Variants in PPP2R2B observed in about 807,000 individuals in gnomAD.
The protein encoded by PPP2R2B is serine/threonine-protein phosphatase 2A 55 kDa regulatory subunit B beta isoform.
PPP2R2B carries 5 observed loss-of-function variants against 46.0 expected under a neutral mutation model. That is an observed-to-expected ratio of 0.11 (90% confidence interval 0.06 to 0.23). The LOEUF is 0.23. Ranked by LOEUF, PPP2R2B falls within the 10% of genes least tolerant of loss-of-function variation. The pLI, the probability that PPP2R2B is intolerant of heterozygous loss-of-function variation, is 1.00. For missense variants in PPP2R2B, 367 were observed against 575.0 expected, an observed-to-expected ratio of 0.64 and a Z score of 3.70; for synonymous variants, 215 against 206.7, an observed-to-expected ratio of 1.04 and a Z score of -0.34.
chr5:146,634,852 GTC>G (rs1774701065), intron 7 of PPP2R2B, among the ~76,000 whole-genome samples: 1 of 152,014 alleles, frequency 6.6e-6, no homozygotes, highest in Admixed American at 6.6e-5. Context: ...AGGAAACCAG[GTC>G]TGTTTTTGCT....
chr5:146,708,329 C>T (rs1204816983), intron 2 of PPP2R2B, among the ~76,000 whole-genome samples: 1 of 150,908 alleles, frequency 6.6e-6, no homozygotes, highest in African/African-American at 2.4e-5. Flanking sequence ...TGCACTCACA[C>T]CTGGGCGACA....
chr5:146,899,420 A>T (rs1159744496), intron 1 of PPP2R2B, among the ~76,000 whole-genome samples: 5 of 144,056 alleles, frequency 3.5e-5, no homozygotes, highest in African/African-American at 1.3e-4. Context: ...TGGGAATTGA[A>T]CAATGAGATC....
At chr5:146,993,435 T>A (rs1213987235) in intron 1 of PPP2R2B, among the ~76,000 whole-genome samples, 1 of 150,760 alleles carries the variant, frequency 6.6e-6, no homozygotes, top group Non-Finnish European at 1.5e-5. Context: ...AGAGATGGGG[T>A]TTTGCCATGT....
At chr5:146,827,813 T>C (rs1156645102) in intron 2 of PPP2R2B, among the ~76,000 whole-genome samples, 4 of 152,172 alleles carry the variant, frequency 2.6e-5, no homozygotes, top group African/African-American at 9.7e-5. Flanking sequence ...AATAAATCCT[T>C]TAATTCTGTC....
chr5:146,682,187 T>A (rs1367043044), intron 5 of PPP2R2B, among the ~76,000 whole-genome samples: 1 of 152,210 alleles, frequency 6.6e-6, no homozygotes, highest in African/African-American at 2.4e-5. Flanking sequence ...AAATATTTTA[T>A]TGTCAGTGAA....
intron 2 of PPP2R2B, among the ~76,000 whole-genome samples, chr5:146,865,622 T>C (rs893622405): frequency 2.6e-5 from 4 of 152,182 alleles, no homozygotes; most frequent in African/African-American, 9.7e-5. Flanking sequence ...GTGCCTAATA[T>C]ATAATAAATG....
At chr5:146,706,873 A>C in intron 2 of PPP2R2B, 1 of 1,250,288 alleles carries the variant, frequency 8.0e-7, no homozygotes, top group African/African-American at 1.5e-5. Context: ...GGCTGTTGTC[A>C]ATGGACAGCA....
chr5:146,966,369 C>A (rs1320538852), intron 1 of PPP2R2B, among the ~76,000 whole-genome samples: 2 of 152,100 alleles, frequency 1.3e-5, no homozygotes, highest in Non-Finnish European at 2.9e-5. Context: ...TGCAGCCATG[C>A]CCAGGGAGAT....
At chr5:146,821,243 A>G (rs1758242619) in intron 2 of PPP2R2B, among the ~76,000 whole-genome samples, 1 of 152,108 alleles carries the variant, frequency 6.6e-6, no homozygotes, top group Non-Finnish European at 1.5e-5. Context: ...CCTCAAATAC[A>G]TCAACCCACC....
intron 1 of PPP2R2B, among the ~76,000 whole-genome samples, chr5:147,015,022 A>T (rs1478080856): frequency 6.6e-6 from 1 of 152,104 alleles, no homozygotes; most frequent in Non-Finnish European, 1.5e-5. Context: ...TGTTCCAAGG[A>T]TTTTGGATAA....
intron 2 of PPP2R2B, among the ~76,000 whole-genome samples, chr5:146,766,534 C>T (rs249910): frequency 0.86 from 130,478 of 152,198 alleles, 56,004 homozygotes; most frequent in East Asian, 0.89. Flanking sequence ...TCTGATAACA[C>T]AGCAGCCATT....
Position 147,071,147 on chromosome 5 carries a change from G to A in PPP2R2B, c.50+9912C>T, listed in dbSNP as rs114567069. Among the ~76,000 whole-genome samples the A allele has an allele frequency of 2.5e-3, 382 of 152,060 alleles. 3 individuals are homozygous for A. Among genetic ancestry groups the A allele is most frequent in the African/African-American group, 8.8e-3 (365 of 41,474 alleles). On this transcript the variant is annotated intron_variant, in intron 2 of 10. Coordinates refer to the PPP2R2B transcript ENST00000394413. ...CATTGTTGGTTTATGTGAGTATGACGCCCAGAATTGTAGCAGTTGTCTTGG... is the reference window on the plus strand; with the variant it reads ...CATTGTTGGTTTATGTGAGTATGACACCCAGAATTGTAGCAGTTGTCTTGG...
intron 2 of PPP2R2B, among the ~76,000 whole-genome samples, chr5:146,736,933 A>G (rs958693498): frequency 6.6e-6 from 1 of 152,212 alleles, no homozygotes; most frequent in African/African-American, 2.4e-5. Context: ...TATAATTTTT[A>G]ATTTTCTAAT....
intron 2 of PPP2R2B, among the ~76,000 whole-genome samples, chr5:146,785,455 G>A (rs1755777648): frequency 6.6e-6 from 1 of 152,158 alleles, no homozygotes; most frequent in Non-Finnish European, 1.5e-5. Context: ...GGCTGAGGTA[G>A]GAGGATCACT....
intron 1 of PPP2R2B, among the ~76,000 whole-genome samples, chr5:146,999,099 A>G (rs1433427239): frequency 3.4e-5 from 5 of 148,108 alleles, no homozygotes; most frequent in African/African-American, 7.4e-5. Flanking sequence ...ATAATTGTTT[A>G]TTTGGCTGTG....
At chr5:146,838,316 A>G (rs1417483373) in intron 2 of PPP2R2B, among the ~76,000 whole-genome samples, 1 of 152,036 alleles carries the variant, frequency 6.6e-6, no homozygotes, top group Non-Finnish European at 1.5e-5. Context: ...TCACACCTGT[A>G]ATGCCAGCAC....
chr5:146,756,797 T>A (rs1753860934), intron 2 of PPP2R2B, among the ~76,000 whole-genome samples: 1 of 152,204 alleles, frequency 6.6e-6, no homozygotes, highest in Non-Finnish European at 1.5e-5. Context: ...GTTGTTTGTA[T>A]GTGCAGTGAG....
At chr5:147,063,672 A>G (rs990653819) in intron 2 of PPP2R2B, among the ~76,000 whole-genome samples, 1 of 152,210 alleles carries the variant, frequency 6.6e-6, no homozygotes, top group African/African-American at 2.4e-5. Flanking sequence ...AAGAGGAACC[A>G]ATATTCTGAT....
intron 1 of PPP2R2B, among the ~76,000 whole-genome samples, chr5:146,986,634 G>A (rs1753442153): frequency 6.6e-6 from 1 of 152,132 alleles, no homozygotes; most frequent in Non-Finnish European, 1.5e-5. Flanking sequence ...GTACAGTAGA[G>A]GGTCTCAATA....
Sources: gnomAD v4.1 joint callset for allele counts (sites outside exome capture counted in the v4.1 genomes callset) on GRCh38, gnomAD v4.1.1 for gene constraint, MANE v1.5 for transcripts, NCBI Gene and HGNC (gene_info 2026-07-23, HGNC 2026-07-21) for gene names.